Variants in CEP63 observed in about 807,000 individuals in gnomAD.
The protein encoded by CEP63 is centrosomal protein 63, also known as centrosomal protein of 63 kDa.
A neutral mutation model predicts 89.1 loss-of-function variants in CEP63; 84 were observed. The ratio of observed to expected loss-of-function variants is 0.94; its 90% confidence interval spans 0.79 to 1.13. The LOEUF is 1.13. CEP63 is among the 50% of genes most tolerant of loss of function. The probability of loss-of-function intolerance (pLI) is 0.00; values close to 1 mark genes in which losing one functional copy is unlikely to be tolerated. For synonymous variants in CEP63, 267 were observed against 272.5 expected, an observed-to-expected ratio of 0.98 and a Z score of 0.20; for missense variants, 838 against 813.3, an observed-to-expected ratio of 1.03 and a Z score of -0.37.
intron 3 of CEP63, among the ~76,000 whole-genome samples, chr3:134,529,983 C>T (rs1393354787): frequency 6.7e-6 from 1 of 150,160 alleles, no homozygotes; most frequent in African/African-American, 2.5e-5. Context: ...ACACCATTCT[C>T]CTGCCTTGGC....
At chr3:134,685,229 A>G in the CEP63 span, among the ~76,000 whole-genome samples, 2 of 152,118 alleles carry the variant, frequency 1.3e-5, no homozygotes, top group Non-Finnish European at 2.9e-5. Flanking sequence ...TATTTATACC[A>G]ATTTAAACTA....
chr3:134,561,821 T>C lies in CEP63; in HGVS notation c.*286T>C. On this transcript the variant is annotated 3_prime_UTR_variant, in exon 15 of 15. Transcript: ENST00000675561. ...ATAAAGTGATACTTACCTTGCTGAC[T>C]TAAATGTGAATAGCTATGTACTAAT... The C allele has an allele frequency of 1.6e-6, 2 of 1,217,174 alleles. No individual in the cohort carries two copies. The highest frequency in any genetic ancestry group is 2.1e-6 in the Non-Finnish European group (2 of 968,344). 75.4% of individuals were successfully genotyped at this position (1,217,174 alleles called of 1,614,324 possible).
intron 3 of CEP63, among the ~76,000 whole-genome samples, chr3:134,509,134 G>A (rs1278369437): frequency 2.0e-5 from 3 of 152,126 alleles, no homozygotes; most frequent in Non-Finnish European, 4.4e-5. Flanking sequence ...TCTGAGGCTG[G>A]GTAATTTATA....
In CEP63 at chr3:134,516,186, A is replaced by G. The variant is rs561178671; in HGVS notation, c.222+8900A>G. On this transcript the variant is annotated intron_variant, in intron 3 of 14. Coordinates refer to ENST00000675561, the MANE Select transcript of CEP63 (RefSeq NM_001353108.3). ...ATAGTGGAGAGAAGGTCAGCAGACA[A>G]ACATGTGAACAAAGGTCTCTGCATC... Among the ~76,000 whole-genome samples the G allele has an allele frequency of 7.6e-4, 116 of 152,280 alleles. 2 individuals are homozygous for G. In the Middle Eastern group the frequency reaches 0.024, roughly 31 times the overall value.
At chr3:134,489,741 A>G (rs1464046313) in intron 1 of CEP63, among the ~76,000 whole-genome samples, 1 of 152,194 alleles carries the variant, frequency 6.6e-6, no homozygotes, top group Non-Finnish European at 1.5e-5. Context: ...AGGCAAGAAA[A>G]ATGCTTAATT....
At chr3:134,629,598 A>T in the CEP63 span, 1 of 1,575,808 alleles carries the variant, frequency 6.3e-7, no homozygotes, top group South Asian at 1.2e-5. Context: ...GCCCTCCACC[A>T]TGAGTACCTG....
the CEP63 span, chr3:134,619,098 G>T: frequency 1.4e-6 from 2 of 1,445,644 alleles, no homozygotes; most frequent in Non-Finnish European, 1.9e-6. Flanking sequence ...CTGTGGAAGA[G>T]GGAGAGGGAT....
At chr3:134,672,815 C>T in the CEP63 span, among the ~76,000 whole-genome samples, 1 of 152,252 alleles carries the variant, frequency 6.6e-6, no homozygotes, top group Admixed American at 6.5e-5. Flanking sequence ...CCCAAGCCTC[C>T]ATCAACCATT....
the CEP63 span, among the ~76,000 whole-genome samples, chr3:134,595,398 C>T: frequency 2.6e-5 from 4 of 152,200 alleles, no homozygotes; most frequent in South Asian, 8.3e-4. Context: ...TTATAAATTA[C>T]CCAGTCTCGG....
chr3:134,750,545 G>C, the CEP63 span, among the ~76,000 whole-genome samples: 2 of 152,326 alleles, frequency 1.3e-5, no homozygotes, highest in African/African-American at 4.8e-5. Context: ...AGGACTCAGT[G>C]CTAGCGTTTG....
At chr3:134,721,035 T>C in the CEP63 span, among the ~76,000 whole-genome samples, 5 of 152,136 alleles carry the variant, frequency 3.3e-5, no homozygotes, top group Admixed American at 2.0e-4. Flanking sequence ...AGGTATTGCA[T>C]TGAATCTGTA....
At chr3:134,692,334 C>T in the CEP63 span, among the ~76,000 whole-genome samples, 1 of 151,762 alleles carries the variant, frequency 6.6e-6, no homozygotes, top group Non-Finnish European at 1.5e-5. Flanking sequence ...TGTTCAATTC[C>T]CACCTATGAG....
chr3:134,504,113 CT>C (rs74269454), intron 2 of CEP63, among the ~76,000 whole-genome samples: 29,807 of 143,576 alleles, frequency 0.21, 3,163 homozygotes, highest in African/African-American at 0.3. Context: ...GTCTCTCTCT[CT>C]TTTTTTTTTT....
chr3:134,751,450 G>C, the CEP63 span, among the ~76,000 whole-genome samples: 1 of 152,156 alleles, frequency 6.6e-6, no homozygotes, highest in Non-Finnish European at 1.5e-5. Context: ...TTTAGTTCAG[G>C]GGTTTTCATA....
intron 2 of CEP63, among the ~76,000 whole-genome samples, 191 bp from the exon 3 acceptor site, chr3:134,506,918 C>CAAA (rs1229943667): frequency 2.4e-3 from 58 of 24,146 alleles, no homozygotes; most frequent in Non-Finnish European, 3.0e-3. Context: ...AACTCCATCT[C>CAAA]AAAAAAAAAA....
chr3:134,592,227 G>T (rs1314088370), downstream of CEP63, among the ~76,000 whole-genome samples: 1 of 152,230 alleles, frequency 6.6e-6, no homozygotes, highest in Non-Finnish European at 1.5e-5. Context: ...TTTACAACTA[G>T]CAGCTGGCTT....
intron 2 of CEP63, among the ~76,000 whole-genome samples, chr3:134,502,212 G>A (rs1267103446): frequency 1.3e-5 from 2 of 152,052 alleles, no homozygotes; most frequent in African/African-American, 4.8e-5. Flanking sequence ...TCTTTTTGAT[G>A]TGCTGCTGGA....
At chr3:134,720,439 T>G in the CEP63 span, among the ~76,000 whole-genome samples, 1 of 152,180 alleles carries the variant, frequency 6.6e-6, no homozygotes, top group Non-Finnish European at 1.5e-5. Flanking sequence ...AATGATGTCC[T>G]TTGAAGCACA....
the CEP63 span, chr3:134,613,004 G>A: frequency 6.5e-6 from 1 of 154,184 alleles, no homozygotes; most frequent in Non-Finnish European, 1.5e-5. Flanking sequence ...ATATTCTTCA[G>A]GAAATTACTT....
Sources: gnomAD v4.1 joint callset for allele counts (sites outside exome capture counted in the v4.1 genomes callset) on GRCh38, gnomAD v4.1.1 for gene constraint, MANE v1.5 for transcripts, NCBI Gene and HGNC (gene_info 2026-07-23, HGNC 2026-07-21) for gene names.